ARHGAP17: variants seen among roughly 807,000 people sequenced by gnomAD.
ARHGAP17 encodes the protein rho GTPase-activating protein 17.
ARHGAP17 carries 57 observed loss-of-function variants against 99.5 expected under a neutral mutation model. That is an observed-to-expected ratio of 0.57 (90% CI 0.46 to 0.71). The LOEUF is 0.71. Ranked by LOEUF, ARHGAP17 falls within the 30% of genes least tolerant of loss-of-function variation. ARHGAP17 has a pLI of 0.00. For missense variants in ARHGAP17, 1,000 were observed against 1,122.4 expected, an observed-to-expected ratio of 0.89 and a Z score of 1.56; for synonymous variants, 417 against 429.6, an observed-to-expected ratio of 0.97 and a Z score of 0.36.
Position 24,943,776 on chromosome 16 carries a change from G to C in ARHGAP17, c.1328C>G (p.Pro443Arg). Residue 443 changes from proline (P) to arginine (R), a missense_variant, in exon 15 of 20, where the codon CCT becomes CGT. Coordinates refer to ENST00000289968, the MANE Select transcript of ARHGAP17 (RefSeq NM_001006634.3). Reference protein sequence around the residue: ...PIIQHADWFFPEEVEFNVSEA... With the variant: ...PIIQHADWFFREEVEFNVSEA... ...GAAACTGAAGTGAGAATTACCTTCA[G>C]GGAAGAACCAGTCGGCATGCTGAAT... 1 of 1,613,958 alleles carries C rather than the reference G, an allele frequency of 6.2e-7. No individual in the cohort carries two copies. The highest frequency in any genetic ancestry group is 8.5e-7 in the Non-Finnish European group (1 of 1,179,846).
In ARHGAP17 at chr16:25,011,706, A is replaced by C. The variant is rs571441453; in HGVS notation, c.53+3503T>G. ...AGAGCCAGACTCCGTCTCAAAAAAAAAAAAAAAGAGTGGAACCCCCAGAAG... is the reference window on the plus strand; with the variant it reads ...AGAGCCAGACTCCGTCTCAAAAAAACAAAAAAAGAGTGGAACCCCCAGAAG... On this transcript the variant is annotated intron_variant, in intron 1 of 19. Transcript: ENST00000289968. Among the ~76,000 whole-genome samples, 71 of 152,160 alleles carry C rather than the reference A, an allele frequency of 4.7e-4. No homozygotes were observed. The South Asian group carries it at 5.8e-3, about 12-fold the overall frequency.
intron 1 of ARHGAP17, among the ~76,000 whole-genome samples, chr16:25,003,037 T>TTA (rs2053408932): frequency 3.8e-5 from 1 of 26,296 alleles, no homozygotes; most frequent in East Asian, 2.2e-3. Flanking sequence ...AGACTCCGTC[T>TTA]CAAAAAAAAA....
intron 1 of ARHGAP17, among the ~76,000 whole-genome samples, chr16:24,987,058 C>T (rs1405137246): frequency 6.6e-6 from 1 of 152,204 alleles, no homozygotes; most frequent in South Asian, 2.1e-4. Context: ...AAACATATTT[C>T]GGGACAAGAC....
intron 6 of ARHGAP17, among the ~76,000 whole-genome samples, chr16:24,965,854 T>A (rs1298598757): frequency 6.6e-6 from 1 of 152,250 alleles, no homozygotes; most frequent in Non-Finnish European, 1.5e-5. Flanking sequence ...CAGCATATGA[T>A]GTCTGGCATA....
At chr16:24,995,454 G>A (rs963504065) in intron 1 of ARHGAP17, among the ~76,000 whole-genome samples, 15 of 152,226 alleles carry the variant, frequency 9.9e-5, no homozygotes, top group African/African-American at 3.6e-4. Flanking sequence ...AGAGAGGGAA[G>A]AGAGAGCAGG....
intron 14 of ARHGAP17, 133 bp from the exon 15 acceptor site, chr16:24,943,995 G>T: frequency 1.2e-6 from 1 of 825,880 alleles, no homozygotes; most frequent in Non-Finnish European, 1.9e-6. Context: ...ATCACTGGCC[G>T]GGTGTGGTGG....
chr16:24,998,244 C>T (rs1457586193), intron 1 of ARHGAP17, among the ~76,000 whole-genome samples: 3 of 151,800 alleles, frequency 2.0e-5, no homozygotes, highest in Non-Finnish European at 2.9e-5. Context: ...CAGAGGAAGA[C>T]GCAAAGCCCC....
At chr16:24,943,560 T>C (rs144000094) in intron 15 of ARHGAP17, among the ~76,000 whole-genome samples, 112 of 152,348 alleles carry the variant, frequency 7.4e-4, no homozygotes, top group African/African-American at 2.6e-3. Flanking sequence ...ACTGACTGGC[T>C]ATGTTTTAGT....
chr16:24,950,780 T>C (rs1169700205), intron 12 of ARHGAP17, among the ~76,000 whole-genome samples: 1 of 137,914 alleles, frequency 7.3e-6, no homozygotes, highest in Non-Finnish European at 1.5e-5. Context: ...GAGGTTGCAG[T>C]GACCCTAGAC....
intron 1 of ARHGAP17, among the ~76,000 whole-genome samples, chr16:25,008,378 T>C (rs982119627): frequency 1.3e-5 from 2 of 152,210 alleles, no homozygotes; most frequent in Admixed American, 6.5e-5. Context: ...AATATATGCA[T>C]ATTATTACTT....
At chr16:24,923,299 T>C (rs1019947207) in intron 19 of ARHGAP17, among the ~76,000 whole-genome samples, 16 of 152,142 alleles carry the variant, frequency 1.1e-4, no homozygotes, top group African/African-American at 3.9e-4. Context: ...CTCTGGTTTG[T>C]TGTAAAAAGG....
intron 5 of ARHGAP17, 99 bp downstream of exon 5, chr16:24,968,562 A>G: frequency 2.0e-6 from 3 of 1,507,310 alleles, no homozygotes; most frequent in Non-Finnish European, 2.8e-6. Context: ...TCCAAAAAGA[A>G]GTGTATGTTA....
At chr16:24,926,118 AAAAG>A (rs200939198) in intron 19 of ARHGAP17, among the ~76,000 whole-genome samples, 3,343 of 145,890 alleles carry the variant, frequency 0.023, 165 homozygotes, top group African/African-American at 0.087. Flanking sequence ...TGAAAAAAAA[AAAAG>A]AAAAGAAAAG....
At chr16:24,961,251 A>G (rs2051988617) in intron 7 of ARHGAP17, among the ~76,000 whole-genome samples, 4 of 152,202 alleles carry the variant, frequency 2.6e-5, no homozygotes, top group African/African-American at 9.6e-5. Flanking sequence ...ATTGGGAGCA[A>G]TGGAAATTAG....
At chr16:24,967,028 A>AC (rs2052209679) in intron 6 of ARHGAP17, among the ~76,000 whole-genome samples, 1 of 152,228 alleles carries the variant, frequency 6.6e-6, no homozygotes, top group African/African-American at 2.4e-5. Context: ...CCTAATTGAT[A>AC]TCAGTTGAAA....
chr16:25,006,726 G>A (rs1047099085), intron 1 of ARHGAP17, among the ~76,000 whole-genome samples: 4 of 152,140 alleles, frequency 2.6e-5, no homozygotes, highest in African/African-American at 9.7e-5. Flanking sequence ...CAAAGCAAGC[G>A]GTGGGCTGGA....
At chr16:24,963,909 A>G (rs1297587656) in intron 7 of ARHGAP17, among the ~76,000 whole-genome samples, 1 of 151,894 alleles carries the variant, frequency 6.6e-6, no homozygotes, top group Non-Finnish European at 1.5e-5. Flanking sequence ...AATCGCTGTA[A>G]TTTTATTATA....
rs918108042 is a variant in ARHGAP17 at position 24,982,768 on chromosome 16, A to G, written c.54-3763T>C. ...CACTATCGGCCAAGGTGCCCATTCAATAGGCCATTCAATAGGCCATGTACG... is the reference window on the plus strand; with the variant it reads ...CACTATCGGCCAAGGTGCCCATTCAGTAGGCCATTCAATAGGCCATGTACG... On this transcript the variant is annotated intron_variant, in intron 1 of 19. Transcript: ENST00000289968. Among the ~76,000 whole-genome samples the G allele has an allele frequency of 2.6e-5, 4 of 151,670 alleles. No homozygotes were observed. The East Asian group carries it at 7.8e-4, about 29-fold the overall frequency.
intron 1 of ARHGAP17, among the ~76,000 whole-genome samples, chr16:24,990,057 CGATA>C (rs1243396151): frequency 6.6e-6 from 1 of 152,094 alleles, no homozygotes; most frequent in Non-Finnish European, 1.5e-5. Flanking sequence ...GTGATGGATA[CGATA>C]ATTATGCTGA....
Sources: allele counts gnomAD v4.1 joint callset (sites outside exome capture counted in the v4.1 genomes callset), GRCh38; gene constraint gnomAD v4.1.1; transcripts MANE v1.5; gene names NCBI Gene and HGNC (gene_info 2026-07-23, HGNC 2026-07-21).